Variants in INTS4 observed in about 807,000 individuals in gnomAD.
INTS4 encodes integrator complex subunit 4, also known as MSTP093.
A neutral mutation model predicts 119.5 loss-of-function variants in INTS4; 70 were observed. The observed-to-expected ratio is 0.59, with a 90% CI of 0.48 to 0.71. The LOEUF (loss-of-function observed/expected upper bound fraction) is 0.71. Ranked by LOEUF, INTS4 falls within the 30% of genes least tolerant of loss-of-function variation. INTS4 has a pLI of 0.00. For synonymous variants in INTS4, 316 were observed against 419.6 expected, an observed-to-expected ratio of 0.75 and a Z score of 3.02; for missense variants, 867 against 1,173.2, an observed-to-expected ratio of 0.74 and a Z score of 3.81.
intron 10 of INTS4, among the ~76,000 whole-genome samples, chr11:77,933,569 C>T (rs544108694): frequency 1.3e-5 from 2 of 152,162 alleles, no homozygotes; most frequent in African/African-American, 4.8e-5. Flanking sequence ...GATCTCGGCT[C>T]GCTACAACCT....
intron 8 of INTS4, among the ~76,000 whole-genome samples, chr11:77,953,492 T>C (rs1037319334): frequency 1.3e-4 from 20 of 152,168 alleles, no homozygotes; most frequent in Admixed American, 1.3e-4. Flanking sequence ...CTGAGACTAA[T>C]ATCAAGTGAC....
At chr11:77,900,717 C>G in intron 18 of INTS4, 2 of 659,696 alleles carry the variant, frequency 3.0e-6, no homozygotes, top group South Asian at 3.3e-5. Context: ...GGGACACCAT[C>G]AAAATATCTG....
chr11:77,986,696 A>T (rs1267314902), intron 2 of INTS4, among the ~76,000 whole-genome samples: 2 of 152,200 alleles, frequency 1.3e-5, no homozygotes, highest in Non-Finnish European at 2.9e-5. Flanking sequence ...AGGGAAATGG[A>T]TGAAGCTGAA....
At chr11:77,925,130 A>G (rs891013755) in intron 11 of INTS4, among the ~76,000 whole-genome samples, 6 of 152,170 alleles carry the variant, frequency 3.9e-5, no homozygotes, top group African/African-American at 1.4e-4. Flanking sequence ...CTGGAACTCA[A>G]TCATGATGCT....
chr11:77,890,326 C>T (rs1331448180), intron 21 of INTS4, among the ~76,000 whole-genome samples: 2 of 152,130 alleles, frequency 1.3e-5, no homozygotes, highest in Non-Finnish European at 2.9e-5. Flanking sequence ...TCATCCTTAC[C>T]TCCTCCAGGA....
intron 2 of INTS4, chr11:77,987,547 A>G (rs1051740821): frequency 2.6e-5 from 11 of 419,860 alleles, no homozygotes; most frequent in African/African-American, 2.3e-4. Flanking sequence ...GATCACTGAG[A>G]GATCGAAAAC....
At position 77,961,080 on chromosome 11, in the gene INTS4, A is replaced by T. The variant is rs150667800; in HGVS notation, c.530T>A (p.Leu177His). ...RNKCLQLLGNLGSLEKSVTKD... is the reference protein window; with the variant it reads ...RNKCLQLLGNHGSLEKSVTKD... ...TGTGACACTTTTCTCCAAAGAGCCA[A>T]GATTGCCAAGTAACTGCAGGCACTT... Residue 177 changes from leucine to histidine, a missense_variant, in exon 5 of 23, where the codon CTT becomes CAT. This residue lies in a region of INTS4 where 224 missense variants were observed against 231.8 expected (regional missense o/e 0.97). Coordinates refer to ENST00000534064, the MANE Select transcript of INTS4 (RefSeq NM_033547.4). The T allele has an allele frequency of 6.2e-7, 1 of 1,612,826 alleles. No homozygotes were observed. The highest frequency in any genetic ancestry group is 8.5e-7 in the Non-Finnish European group (1 of 1,179,570).
At chr11:77,938,553 A>C in intron 10 of INTS4, 98 bp downstream of exon 10, 1 of 1,483,444 alleles carries the variant, frequency 6.7e-7, no homozygotes, top group Non-Finnish European at 9.0e-7. Flanking sequence ...AGTTACTGTG[A>C]GGACTAAATG....
intron 18 of INTS4, among the ~76,000 whole-genome samples, chr11:77,900,286 A>C (rs1367538649): frequency 1.3e-5 from 2 of 151,932 alleles, no homozygotes; most frequent in African/African-American, 4.8e-5. Flanking sequence ...TTTTTAGTAG[A>C]GACAGGGTTT....
rs774371134 is a variant in INTS4, at chr11:77,891,314, C to G, written c.2592+5G>C. 3.7e-6 allele frequency: 6 copies of G among 1,609,102 alleles called. No homozygotes were observed. The highest frequency in any genetic ancestry group is 5.1e-6 in the Non-Finnish European group (6 of 1,178,302). On this transcript the variant is annotated splice_donor_5th_base_variant and intron_variant, in intron 21 of 22. Transcript: ENST00000534064. ...AAGCTCCATGAGGACCCAAACCCGA[C>G]AGACCTGGACCTTAACAGTGTTCTG...
intron 4 of INTS4, chr11:77,978,378 C>G (rs1264264069): frequency 6.6e-6 from 1 of 151,990 alleles, no homozygotes; most frequent in Non-Finnish European, 1.5e-5. Flanking sequence ...CAAAAAGATC[C>G]AAAGTAAAAT....
At chr11:77,913,925 AAGTTGTGG>A (rs1258848880) in intron 15 of INTS4, among the ~76,000 whole-genome samples, 4 of 152,108 alleles carry the variant, frequency 2.6e-5, no homozygotes, top group Non-Finnish European at 5.9e-5. Context: ...CAGAAAGTGT[AAGTTGTGG>A]AGAACCCCAG....
chr11:77,880,167 T>C (rs1951736801), intron 22 of INTS4, among the ~76,000 whole-genome samples: 1 of 152,130 alleles, frequency 6.6e-6, no homozygotes, highest in South Asian at 2.1e-4. Context: ...AAGTGTAAGT[T>C]GAAGATGATC....
chr11:77,900,334 CGTGAT>C (rs745598682), intron 18 of INTS4, among the ~76,000 whole-genome samples: 178 of 152,214 alleles, frequency 1.2e-3, no homozygotes, highest in Non-Finnish European at 2.2e-3. Flanking sequence ...CTCCTGACCT[CGTGAT>C]CTGCCCACCT....
intron 8 of INTS4, among the ~76,000 whole-genome samples, chr11:77,954,033 C>G (rs950330569): frequency 6.6e-6 from 1 of 151,540 alleles, no homozygotes; most frequent in South Asian, 2.1e-4. Context: ...AGGATGGTCT[C>G]GATCTCTTGA....
In INTS4 at chr11:77,932,929, G is replaced by C. The variant is rs558388773; in HGVS notation, c.1166-4382C>G. On this transcript the variant is annotated intron_variant, in intron 10 of 22. Coordinates refer to ENST00000534064, the MANE Select transcript of INTS4 (RefSeq NM_033547.4). ...ATGAGAACACATGGACACTGAAGGT[G>C]GGGGGGCATCACACACTGGGGCCTG... Among the ~76,000 whole-genome samples the C allele has an allele frequency of 4.6e-3, 674 of 147,280 alleles. 9 individuals carry two copies. Among genetic ancestry groups the C allele is most frequent in the African/African-American group, 0.016 (632 of 39,416 alleles).
chr11:77,990,985 A>T, intron 2 of INTS4, 123 bp downstream of exon 2: 1 of 774,182 alleles, frequency 1.3e-6, no homozygotes, highest in Non-Finnish European at 2.1e-6. Context: ...AGTACCTAGC[A>T]CTTGGAAGAC....
chr11:77,969,280 C>A (rs943488641), intron 4 of INTS4, among the ~76,000 whole-genome samples: 3 of 152,072 alleles, frequency 2.0e-5, no homozygotes, highest in Non-Finnish European at 2.9e-5. Context: ...AATACACATA[C>A]CATGCAATTC....
intron 7 of INTS4, among the ~76,000 whole-genome samples, chr11:77,958,515 G>T (rs1385839112): frequency 1.3e-5 from 2 of 152,190 alleles, no homozygotes; most frequent in Non-Finnish European, 2.9e-5. Context: ...GGATGAGAAG[G>T]TTAGGATAAA....
Sources: allele counts gnomAD v4.1 joint callset (sites outside exome capture counted in the v4.1 genomes callset), GRCh38; gene constraint gnomAD v4.1.1; regional missense constraint gnomAD v4.1.1; transcripts MANE v1.5; gene names NCBI Gene and HGNC (gene_info 2026-07-23, HGNC 2026-07-21).